The following DSCAML1 variants were observed in gnomAD, a reference collection of about 807,000 sequenced individuals.
DSCAML1 encodes the protein DS cell adhesion molecule like 1.
A neutral mutation model predicts 200.5 loss-of-function variants in DSCAML1; 38 were observed. The observed-to-expected ratio is 0.19, with a 90% confidence interval of 0.15 to 0.25. The LOEUF is 0.25. Ranked by LOEUF, DSCAML1 falls within the 10% of genes least tolerant of loss-of-function variation. The pLI, the probability that DSCAML1 is intolerant of heterozygous loss-of-function variation, is 1.00. For synonymous variants in DSCAML1, 1,215 were observed against 1,165.0 expected, an observed-to-expected ratio of 1.04 and a Z score of -0.87; for missense variants, 2,223 against 2,858.8, an observed-to-expected ratio of 0.78 and a Z score of 5.07.
At chr11:117,455,186 G>C (rs2048349415) in intron 19 of DSCAML1, among the ~76,000 whole-genome samples, 1 of 152,206 alleles carries the variant, frequency 6.6e-6, no homozygotes, top group Non-Finnish European at 1.5e-5. Flanking sequence ...AGAAGAGTGA[G>C]TTTCAGTCAC....
Position 117,562,399 on chromosome 11 carries a change from G to A in DSCAML1, c.512-29877C>T, listed in dbSNP as rs114645295. On this transcript the variant is annotated intron_variant, in intron 3 of 32. Coordinates refer to ENST00000651296, the MANE Select transcript of DSCAML1 (RefSeq NM_020693.4). Reference sequence around the variant, plus strand: ...TGTGCCAGCCCCATGCAAGTGCCACGTCTTCTGTGTGCCTTTCCAGATCCC... The same window carrying A: ...TGTGCCAGCCCCATGCAAGTGCCACATCTTCTGTGTGCCTTTCCAGATCCC... 2.8e-3 allele frequency among the ~76,000 whole-genome samples: 425 copies of A among 152,334 alleles called. 1 individual carries two copies. The highest frequency in any genetic ancestry group is 9.5e-3 in the African/African-American group (397 of 41,574).
At chr11:117,440,720 C>T (rs2048025915) in intron 21 of DSCAML1, among the ~76,000 whole-genome samples, 1 of 152,020 alleles carries the variant, frequency 6.6e-6, no homozygotes, top group East Asian at 1.9e-4. Context: ...AAGTTCAAGA[C>T]CAGCCTGGCC....
At chr11:117,811,560 G>T (rs1367739442) in intron 1 of DSCAML1, among the ~76,000 whole-genome samples, 1 of 152,236 alleles carries the variant, frequency 6.6e-6, no homozygotes, top group Admixed American at 6.5e-5. Flanking sequence ...TACTACAAGT[G>T]CTAGAAATCT....
intron 3 of DSCAML1, among the ~76,000 whole-genome samples, chr11:117,647,025 C>A (rs1565848840): frequency 6.6e-6 from 1 of 152,206 alleles, no homozygotes; most frequent in Non-Finnish European, 1.5e-5. Flanking sequence ...CTTGTCCAAT[C>A]CTCTCATGTT....
intron 3 of DSCAML1, among the ~76,000 whole-genome samples, chr11:117,684,463 A>G: frequency 8.6e-6 from 1 of 115,784 alleles, no homozygotes; most frequent in Non-Finnish European, 1.9e-5. Context: ...AAAAAAAAGA[A>G]AAAAAGAGGA....
At chr11:117,521,102 C>T (rs754020321) in intron 6 of DSCAML1, 28 bp downstream of exon 6, 19 of 1,604,812 alleles carry the variant, frequency 1.2e-5, no homozygotes, top group Non-Finnish European at 1.6e-5. Flanking sequence ...CCTGAACCCG[C>T]CCCCTGTGTC....
rs150611309 is a variant in DSCAML1 at position 117,442,991 on chromosome 11, C to T, written c.3862+895G>A. Among the ~76,000 whole-genome samples, 408 of 152,342 alleles carry T rather than the reference C, an allele frequency of 2.7e-3. 1 individual carries two copies. Among genetic ancestry groups the T allele is most frequent in the South Asian group, 4.6e-3 (22 of 4,832 alleles). The stretch of plus-strand genomic sequence containing the variant: ...GCCCTCGATCAGATGCTGGCTGGCT[C>T]TGAGCCCGCGGCAGGGTAGGGCTTG... On this transcript the variant is annotated intron_variant, in intron 21 of 32. Coordinates refer to ENST00000651296, the MANE Select transcript of DSCAML1 (RefSeq NM_020693.4).
intron 16 of DSCAML1, among the ~76,000 whole-genome samples, chr11:117,467,684 A>G (rs1290155719): frequency 1.3e-5 from 2 of 152,050 alleles, no homozygotes; most frequent in Non-Finnish European, 2.9e-5. Context: ...TTCTCTCTGC[A>G]CTTGGGCAGT....
At chr11:117,551,288 C>T (rs1365645305) in intron 3 of DSCAML1, among the ~76,000 whole-genome samples, 2 of 152,202 alleles carry the variant, frequency 1.3e-5, no homozygotes, top group Non-Finnish European at 2.9e-5. Flanking sequence ...TCTCCAATCC[C>T]ACTAAACTCC....
intron 3 of DSCAML1, among the ~76,000 whole-genome samples, chr11:117,535,232 C>T (rs2050144768): frequency 1.3e-5 from 2 of 152,360 alleles, no homozygotes; most frequent in South Asian, 4.1e-4. Flanking sequence ...CAACTAAAGA[C>T]CCTGGCCCTG....
chr11:117,607,460 AC>A (rs1294411597), intron 3 of DSCAML1, among the ~76,000 whole-genome samples: 1 of 152,204 alleles, frequency 6.6e-6, no homozygotes, highest in Non-Finnish European at 1.5e-5. Flanking sequence ...ACTGCCATGC[AC>A]TGTTGTATCA....
Position 117,443,989 on chromosome 11 carries a change from G to C in DSCAML1, c.3759C>G (p.Ala1253=). Residue 1253 remains alanine (A), a synonymous_variant, in exon 21 of 33, where the codon GCC becomes GCG. Transcript: ENST00000651296. ...TSPEQLFYRI[A]HLNRGQQYLL... ...GATACTGCTGACCGCGGTTTAGGTG[G>C]GCGATCCGGTAGAAGAGCTGCTCTG... 1.2e-6 allele frequency: 2 copies of C among 1,613,990 alleles called. No homozygotes were observed. The highest frequency in any genetic ancestry group is 1.7e-6 in the Non-Finnish European group (2 of 1,179,986).
chr11:117,759,399 T>C (rs35374605), intron 3 of DSCAML1, among the ~76,000 whole-genome samples: 20,059 of 152,216 alleles, frequency 0.13, 1,406 homozygotes, highest in South Asian at 0.17. Context: ...GCAGCAGCTG[T>C]TGACCCTGCC....
chr11:117,545,552 G>T (rs2050357801), intron 3 of DSCAML1, among the ~76,000 whole-genome samples: 2 of 152,328 alleles, frequency 1.3e-5, no homozygotes, highest in South Asian at 4.1e-4. Context: ...GCTCTGCAAA[G>T]ACATGAAGAT....
At chr11:117,487,891 A>G (rs770674664) in intron 11 of DSCAML1, among the ~76,000 whole-genome samples, 1 of 152,172 alleles carries the variant, frequency 6.6e-6, no homozygotes, top group East Asian at 1.9e-4. Context: ...AGCTCCCTGC[A>G]TTGGAAGTAG....
chr11:117,716,102 C>T (rs1184679390), intron 3 of DSCAML1, among the ~76,000 whole-genome samples: 1 of 152,238 alleles, frequency 6.6e-6, no homozygotes, highest in Non-Finnish European at 1.5e-5. Flanking sequence ...TCCTTCTCTT[C>T]TCAGGAAAAT....
Position 117,461,546 on chromosome 11 carries a change from C to A in DSCAML1, c.3316G>T (p.Val1106Leu). ...NVRALSITSD[V>L]AVISWSEPPR... ...GGCTCTGACCAGGAGATGACGGCCA[C>A]GTCAGAAGTGATGGACAGGGCCCGG... The change falls in exon 18 of 33, where the codon GTG (valine) becomes TTG (leucine). Residue 1106 changes from valine (V) to leucine (L), a missense_variant. By Grantham distance (32) the Val-to-Leu change is conservative (BLOSUM62 1). Transcript: ENST00000651296. 1 of 1,614,108 alleles carries A rather than the reference C, an allele frequency of 6.2e-7. No homozygotes were observed. The highest frequency in any genetic ancestry group is 8.5e-7 in the Non-Finnish European group (1 of 1,180,036).
At chr11:117,577,467 T>C (rs71211193) in intron 3 of DSCAML1, among the ~76,000 whole-genome samples, 36,234 of 78,078 alleles carry the variant, frequency 0.46, 6,804 homozygotes, top group Non-Finnish European at 0.54. Context: ...CTTTCCTTCC[T>C]TCCTTCCTTC....
At chr11:117,626,808 G>A (rs980179963) in intron 3 of DSCAML1, among the ~76,000 whole-genome samples, 2 of 152,302 alleles carry the variant, frequency 1.3e-5, no homozygotes. Context: ...GACCACCTGG[G>A]ACAAGACTCA....
Sources: gnomAD v4.1 joint callset for allele counts (sites outside exome capture counted in the v4.1 genomes callset) on GRCh38, gnomAD v4.1.1 for gene constraint, MANE v1.5 for transcripts, NCBI Gene and HGNC (gene_info 2026-07-23, HGNC 2026-07-21) for gene names.